BBS9: variants seen among roughly 807,000 people sequenced by gnomAD.
The protein encoded by BBS9 is protein PTHB1.
In BBS9, 89 loss-of-function variants were observed where a neutral mutation model predicts 117.7. That is an observed-to-expected ratio of 0.76 (90% CI 0.64 to 0.90). The LOEUF is 0.90. Ranked by LOEUF, BBS9 falls within the 40% of genes least tolerant of loss-of-function variation. The pLI is 0.00. For missense variants in BBS9, 982 were observed against 1,042.2 expected, an observed-to-expected ratio of 0.94 and a Z score of 0.80; for synonymous variants, 379 against 370.9, an observed-to-expected ratio of 1.02 and a Z score of -0.25.
chr7:33,532,948 C>T (rs1445716978), intron 20 of BBS9, among the ~76,000 whole-genome samples: 1 of 152,120 alleles, frequency 6.6e-6, no homozygotes, highest in South Asian at 2.1e-4. Flanking sequence ...CCTTACCAGC[C>T]TTTGTGTACA....
At chr7:33,311,518 T>C (rs1267123037) in intron 9 of BBS9, among the ~76,000 whole-genome samples, 2 of 152,226 alleles carry the variant, frequency 1.3e-5, no homozygotes, top group Admixed American at 1.3e-4. Flanking sequence ...TCTTCTCATA[T>C]ACCCACCTTG....
At chr7:33,579,146 A>C (rs1303845835) in intron 21 of BBS9, among the ~76,000 whole-genome samples, 11 of 152,196 alleles carry the variant, frequency 7.2e-5, no homozygotes, top group Admixed American at 5.9e-4. Context: ...TGAAATCCCT[A>C]ATAAAAGTGG....
intron 6 of BBS9, among the ~76,000 whole-genome samples, chr7:33,263,446 A>C (rs1049864644): frequency 1.3e-5 from 2 of 152,138 alleles, no homozygotes; most frequent in African/African-American, 4.8e-5. Context: ...TATTCTTCTA[A>C]AAATATGCCA....
chr7:33,244,246 A>G lies in BBS9; in HGVS notation c.443-12990A>G, dbSNP rs187415046. 5.3e-4 allele frequency among the ~76,000 whole-genome samples: 81 copies of G among 152,220 alleles called. 1 individual carries two copies. The highest frequency in any genetic ancestry group is 1.3e-4 in the Non-Finnish European group (9 of 68,006). On this transcript the variant is annotated intron_variant, in intron 5 of 22. Transcript: ENST00000242067. ...CTCCATCTCAAAAAACAAACAAACA[A>G]ATAAACAAACAAACATCCTGATGGG... is the stretch of plus-strand genomic sequence containing the variant.
At chr7:33,373,041 CA>C in intron 17 of BBS9, among the ~76,000 whole-genome samples, 1 of 150,084 alleles carries the variant, frequency 6.7e-6, no homozygotes, top group East Asian at 1.9e-4. Flanking sequence ...TTTTTTAGTC[CA>C]AAGGTTTGTT....
chr7:33,389,681 T>C (rs1584618278), intron 19 of BBS9, among the ~76,000 whole-genome samples: 3 of 80,834 alleles, frequency 3.7e-5, no homozygotes, highest in Admixed American at 1.7e-4. Flanking sequence ...AGAGCAAGAC[T>C]CCATCTAAAA....
intron 6 of BBS9, among the ~76,000 whole-genome samples, chr7:33,262,656 C>G (rs1435632190): frequency 6.6e-6 from 1 of 152,156 alleles, no homozygotes; most frequent in African/African-American, 2.4e-5. Context: ...GAGATCTTCT[C>G]CCTCTTACTT....
At chr7:33,487,731 C>T (rs909618241) in intron 19 of BBS9, among the ~76,000 whole-genome samples, 3 of 152,136 alleles carry the variant, frequency 2.0e-5, no homozygotes, top group Non-Finnish European at 4.4e-5. Context: ...TGAGAATGGT[C>T]AGGGGATGTG....
intron 9 of BBS9, among the ~76,000 whole-genome samples, chr7:33,305,326 T>G (rs1807652285): frequency 6.6e-6 from 1 of 152,144 alleles, no homozygotes. Context: ...TTGAGAATAT[T>G]TGTGTCAATA....
downstream of BBS9, among the ~76,000 whole-genome samples, chr7:33,608,458 A>G (rs889019436): frequency 3.9e-5 from 6 of 152,110 alleles, no homozygotes; most frequent in Non-Finnish European, 7.4e-5. Context: ...GAAATCTCCA[A>G]ACTGCTGTCT....
intron 21 of BBS9, among the ~76,000 whole-genome samples, chr7:33,566,635 A>G (rs943227520): frequency 7.2e-5 from 11 of 152,134 alleles, no homozygotes; most frequent in Non-Finnish European, 1.3e-4. Context: ...TTCTATTTTT[A>G]TAGCTCTGGT....
intron 9 of BBS9, among the ~76,000 whole-genome samples, chr7:33,332,822 G>A (rs1814413741): frequency 6.6e-6 from 1 of 151,968 alleles, no homozygotes; most frequent in South Asian, 2.1e-4. Flanking sequence ...CCTTGTTTTG[G>A]TGCTATGTGT....
At chr7:33,137,682 C>A (rs750586446) in intron 1 of BBS9, among the ~76,000 whole-genome samples, 1 of 152,158 alleles carries the variant, frequency 6.6e-6, no homozygotes, top group Non-Finnish European at 1.5e-5. Flanking sequence ...ACTGGAGAGA[C>A]GCACTTGGGA....
chr7:33,509,424 G>A (rs948644262), intron 20 of BBS9, among the ~76,000 whole-genome samples: 1 of 152,118 alleles, frequency 6.6e-6, no homozygotes, highest in African/African-American at 2.4e-5. Context: ...TTGGAAGAAG[G>A]GTGAGGCAGG....
At chr7:33,151,896 C>T (rs1174256720) in intron 2 of BBS9, among the ~76,000 whole-genome samples, 2 of 109,742 alleles carry the variant, frequency 1.8e-5, no homozygotes, top group African/African-American at 3.4e-5. Flanking sequence ...CTTGTTCTTT[C>T]GCCCAGGCTA....
intron 9 of BBS9, among the ~76,000 whole-genome samples, chr7:33,321,209 G>C (rs547767224): frequency 1.3e-5 from 2 of 151,902 alleles, no homozygotes; most frequent in South Asian, 4.1e-4. Context: ...GGATAGCTTT[G>C]GCTATACTGG....
At chr7:33,400,505 T>C (rs1303530324) in intron 19 of BBS9, among the ~76,000 whole-genome samples, 1 of 152,170 alleles carries the variant, frequency 6.6e-6, no homozygotes, top group Admixed American at 6.6e-5. Flanking sequence ...GAATTGTGAA[T>C]TAGCGATTAT....
chr7:33,425,157 A>G (rs1833475177), intron 19 of BBS9, among the ~76,000 whole-genome samples: 1 of 152,116 alleles, frequency 6.6e-6, no homozygotes, highest in Non-Finnish European at 1.5e-5. Context: ...CTACCATTCT[A>G]CATAAATGGA....
chr7:33,215,512 A>AATTAAGACCTGAAAATAG (rs1261972087), intron 5 of BBS9, among the ~76,000 whole-genome samples: 1 of 152,230 alleles, frequency 6.6e-6, no homozygotes, highest in Non-Finnish European at 1.5e-5. Context: ...TTAAGAACTT[A>AATTAAGACCTGAAAATAG]ATTAAGACCT....
Sources: gnomAD v4.1 joint callset for allele counts (sites outside exome capture counted in the v4.1 genomes callset) on GRCh38, gnomAD v4.1.1 for gene constraint, MANE v1.5 for transcripts, NCBI Gene and HGNC (gene_info 2026-07-23, HGNC 2026-07-21) for gene names.